TSHR: variants seen among roughly 807,000 people sequenced by gnomAD.
The protein encoded by TSHR is thyroid stimulating hormone receptor.
In TSHR, 51 loss-of-function variants were observed where a neutral mutation model predicts 64.1. That is an observed-to-expected ratio of 0.80 (90% confidence interval 0.64 to 1.01). TSHR has a LOEUF of 1.01. Among genes scored for constraint, TSHR ranks in the 50% least tolerant of loss-of-function variants. The pLI, the probability that TSHR is intolerant of heterozygous loss-of-function variation, is 0.00. For synonymous variants in TSHR, 361 were observed against 361.9 expected, an observed-to-expected ratio of 1.00 and a Z score of 0.03; for missense variants, 877 against 942.8, an observed-to-expected ratio of 0.93 and a Z score of 0.91.
rs1555373027 is a variant in TSHR at position 81,033,557 on chromosome 14, G to GTTGT, written c.171-28589_171-28588insGTTT. Among the ~76,000 whole-genome samples the GTTGT allele has an allele frequency of 2.8e-3, 284 of 102,084 alleles. 2 individuals carry two copies. The highest frequency in any genetic ancestry group is 7.9e-3 in the African/African-American group (246 of 31,120). The allele number at this position is 102,084 out of a possible 152,430, so 67.0% of individuals were successfully genotyped here. A position where few individuals can be genotyped will look rare whatever the true frequency, so the allele number is the denominator to read the frequency against. ...AAATCAGTGGTAAGTTAAAATCAGG[G>GTTGT]TTTTTTTTTTTTTCTTTTTATCAGA... is the stretch of plus-strand genomic sequence containing the variant. On this transcript the variant is annotated intron_variant, in intron 1 of 9. Coordinates refer to ENST00000298171, the MANE Select transcript of TSHR (RefSeq NM_000369.5).
chr14:80,963,086 G>A (rs555342898), intron 1 of TSHR, among the ~76,000 whole-genome samples: 2 of 152,234 alleles, frequency 1.3e-5, no homozygotes, highest in Admixed American at 6.5e-5. Context: ...ATTTTAAATT[G>A]GAATAGCAAG....
chr14:80,977,690 C>A (rs1318339165), intron 1 of TSHR, among the ~76,000 whole-genome samples: 1 of 152,208 alleles, frequency 6.6e-6, no homozygotes, highest in African/African-American at 2.4e-5. Context: ...GCCCAAGAGG[C>A]AGGGCTGCTT....
intron 1 of TSHR, among the ~76,000 whole-genome samples, chr14:81,004,780 G>A (rs980786177): frequency 6.6e-6 from 1 of 152,148 alleles, no homozygotes; most frequent in African/African-American, 2.4e-5. Flanking sequence ...TGCTGACTCA[G>A]AAATACTGGA....
chr14:80,997,382 T>C lies in TSHR; in HGVS notation c.170+41532T>C, dbSNP rs558768692. ...CCCTCCCTATCTCTCTTTACCTCTT[T>C]AGCTCCTATTTTTAAAAAACAAGCA... On this transcript the variant is annotated intron_variant, in intron 1 of 9. Transcript: ENST00000298171. Among the ~76,000 whole-genome samples, 15 of 152,330 alleles carry C rather than the reference T, an allele frequency of 9.8e-5. No individual in the cohort carries two copies. The South Asian group carries it at 3.1e-3, about 32-fold the overall frequency.
At chr14:81,104,989 C>T in intron 7 of TSHR, 1 of 985,374 alleles carries the variant, frequency 1.0e-6, no homozygotes, top group South Asian at 4.7e-5. Flanking sequence ...GAAACCCTGA[C>T]TTTCAAAAAG....
intron 8 of TSHR, among the ~76,000 whole-genome samples, chr14:81,128,308 G>T (rs144777787): frequency 8.5e-5 from 13 of 152,278 alleles, no homozygotes; most frequent in African/African-American, 3.1e-4. Context: ...TAACAAATAA[G>T]GAAACTGGTG....
chr14:80,956,091 T>C (rs536479022), intron 1 of TSHR, among the ~76,000 whole-genome samples: 1 of 152,358 alleles, frequency 6.6e-6, no homozygotes, highest in South Asian at 2.1e-4. Flanking sequence ...AAAACTTTGG[T>C]GTACAATGAC....
chr14:81,054,729 G>GTA (rs1566782721), intron 1 of TSHR, among the ~76,000 whole-genome samples: 2 of 151,990 alleles, frequency 1.3e-5, no homozygotes, highest in African/African-American at 2.4e-5. Context: ...GATGATTAGG[G>GTA]TATATATATC....
chr14:81,139,180 G>T (rs1014247698), intron 8 of TSHR, among the ~76,000 whole-genome samples: 4 of 152,154 alleles, frequency 2.6e-5, no homozygotes, highest in African/African-American at 9.7e-5. Flanking sequence ...CAATGTAACT[G>T]GTTATGACTC....
intron 1 of TSHR, among the ~76,000 whole-genome samples, chr14:80,960,746 A>C (rs1468834667): frequency 6.6e-6 from 1 of 152,254 alleles, no homozygotes; most frequent in Non-Finnish European, 1.5e-5. Context: ...GAAGAAAAAA[A>C]ATATTTTGAA....
chr14:81,120,042 G>A (rs1890721953), intron 8 of TSHR, among the ~76,000 whole-genome samples: 2 of 107,136 alleles, frequency 1.9e-5, no homozygotes, highest in Non-Finnish European at 3.8e-5. Flanking sequence ...GGTGGGGGGA[G>A]GGGGGAGGGA....
Position 81,145,085 on chromosome 14 carries a change from C to A in TSHR, c.*732C>A, listed in dbSNP as rs1215757933. On this transcript the variant is annotated 3_prime_UTR_variant, in exon 10 of 10. Transcript: ENST00000298171. ...TTGCTCTTCTTGGCCAGCCTCATAG[C>A]ATAAAAGATGTGAACTCTAGGAAGT... 4.3e-6 allele frequency: 1 copy of A among 233,114 alleles called. No individual in the cohort carries two copies. The highest frequency in any genetic ancestry group is 8.5e-6 in the Non-Finnish European group (1 of 118,086). 14.4% of individuals were successfully genotyped at this position (233,114 alleles called of 1,614,324 possible).
At chr14:81,067,704 T>C (rs1886733158) in intron 2 of TSHR, among the ~76,000 whole-genome samples, 1 of 148,806 alleles carries the variant, frequency 6.7e-6, no homozygotes, top group Admixed American at 6.7e-5. Flanking sequence ...CTTGGACATC[T>C]GTGTATTTTA....
chr14:80,982,406 C>A, intron 1 of TSHR: 1 of 1,243,374 alleles, frequency 8.0e-7, no homozygotes, highest in Non-Finnish European at 1.1e-6. Flanking sequence ...AATGATAAAC[C>A]TGAAATTGGT....
In TSHR at chr14:81,092,067, A is replaced by G. The variant is rs764195106; in HGVS notation, c.468-464A>G. 2.0e-5 allele frequency among the ~76,000 whole-genome samples: 3 copies of G among 152,264 alleles called. No individual in the cohort carries two copies. The South Asian group carries it at 6.2e-4, about 31-fold the overall frequency. On this transcript the variant is annotated intron_variant, in intron 5 of 9. Coordinates refer to ENST00000298171, the MANE Select transcript of TSHR (RefSeq NM_000369.5). ...TGTAAGCAATCTTCCAGAAACTAGA[A>G]TGGCGTAGAAAGGTTCTCCAGGAGC... is the stretch of plus-strand genomic sequence containing the variant.
intron 6 of TSHR, among the ~76,000 whole-genome samples, chr14:81,093,397 T>G (rs1034872119): frequency 2.6e-5 from 4 of 152,250 alleles, no homozygotes; most frequent in Admixed American, 2.0e-4. Context: ...CCTCTCTCAT[T>G]GTGTAAGTCA....
At chr14:81,039,112 A>C (rs965198978) in intron 1 of TSHR, among the ~76,000 whole-genome samples, 3 of 151,962 alleles carry the variant, frequency 2.0e-5, no homozygotes, top group African/African-American at 7.2e-5. Context: ...ACAGGCAAAA[A>C]TCCTCAACAA....
intron 1 of TSHR, among the ~76,000 whole-genome samples, chr14:81,016,191 G>A (rs781039117): frequency 6.6e-6 from 1 of 152,006 alleles, no homozygotes; most frequent in Non-Finnish European, 1.5e-5. Context: ...GTTTTTCAGG[G>A]GCTTCCATGC....
chr14:81,108,648 T>G, intron 8 of TSHR, 196 bp downstream of exon 8: 1 of 1,614,138 alleles, frequency 6.2e-7, no homozygotes, highest in Non-Finnish European at 8.5e-7. Flanking sequence ...CCTTTGAGAC[T>G]CAGAAGGCCC....
Sources: gnomAD v4.1 joint callset for allele counts (sites outside exome capture counted in the v4.1 genomes callset) on GRCh38, gnomAD v4.1.1 for gene constraint, MANE v1.5 for transcripts, NCBI Gene and HGNC (gene_info 2026-07-23, HGNC 2026-07-21) for gene names.